The following PRR5L variants were observed in gnomAD, a reference collection of about 807,000 sequenced individuals.
PRR5L encodes proline rich 5 like, also known as proline-rich protein 5-like.
Under a neutral mutation model 36.4 loss-of-function variants are expected in PRR5L, and 21 were observed. The ratio of observed to expected loss-of-function variants is 0.58; its 90% confidence interval spans 0.41 to 0.83. The LOEUF (loss-of-function observed/expected upper bound fraction) is 0.83. Ranked by LOEUF, PRR5L falls within the 40% of genes least tolerant of loss-of-function variation. The probability of loss-of-function intolerance (pLI) is 0.00; values close to 1 mark genes in which losing one functional copy is unlikely to be tolerated. For synonymous variants in PRR5L, 188 were observed against 197.0 expected (o/e 0.95, Z 0.38); for missense variants, 381 against 473.3 (o/e 0.80, Z 1.81).
intron 4 of PRR5L, among the ~76,000 whole-genome samples, chr11:36,428,439 T>C (rs966254041): frequency 2.6e-5 from 4 of 152,108 alleles, no homozygotes; most frequent in Non-Finnish European, 5.9e-5. Flanking sequence ...AGAGAGGAGA[T>C]TTGGGGTTCA....
At chr11:36,311,898 A>G (rs752198057) in intron 1 of PRR5L, among the ~76,000 whole-genome samples, 2 of 152,248 alleles carry the variant, frequency 1.3e-5, no homozygotes, top group Non-Finnish European at 2.9e-5. Context: ...AAGATTAAAT[A>G]TTAATACATT....
intron 1 of PRR5L, among the ~76,000 whole-genome samples, chr11:36,309,106 A>C (rs1053520695): frequency 6.6e-6 from 1 of 152,182 alleles, no homozygotes; most frequent in African/African-American, 2.4e-5. Flanking sequence ...AGCTGTGAGA[A>C]TATGTCTCAT....
Position 36,403,394 on chromosome 11 carries a change from G to T in PRR5L, c.245+16G>T. 6.2e-7 allele frequency: 1 copy of T among 1,609,764 alleles called. No homozygotes were observed. The highest frequency in any genetic ancestry group is 1.1e-5 in the South Asian group (1 of 90,926). The stretch of plus-strand genomic sequence containing the variant: ...AAAACATCAGGTATGTGGCAGGCCA[G>T]ACTTGGTGCCATTTTCCCCTATAAA... On this transcript the variant is annotated intron_variant, in intron 3 of 8. Transcript: ENST00000530639.
chr11:36,308,729 T>A (rs1294181549), intron 1 of PRR5L, among the ~76,000 whole-genome samples: 3 of 152,236 alleles, frequency 2.0e-5, no homozygotes, highest in Non-Finnish European at 4.4e-5. Context: ...GACTCTGGGC[T>A]TGGGCATTGA....
intron 1 of PRR5L, among the ~76,000 whole-genome samples, chr11:36,352,595 T>A (rs1355610829): frequency 6.6e-6 from 1 of 152,186 alleles, no homozygotes; most frequent in Non-Finnish European, 1.5e-5. Context: ...TGTCGGTACC[T>A]GGCTTCAGGA....
rs1857136892 is a variant in PRR5L at position 36,365,638 on chromosome 11, A to G, written c.-125-35359A>G. ...AGCAACACCAGCAACATTTCATGGTATTATCCCTTCCCCTTCTTGGGGAAC... is the reference window on the plus strand; with the variant it reads ...AGCAACACCAGCAACATTTCATGGTGTTATCCCTTCCCCTTCTTGGGGAAC... On this transcript the variant is annotated intron_variant, in intron 1 of 8. Coordinates refer to ENST00000530639, the MANE Select transcript of PRR5L (RefSeq NM_001160167.2). Among the ~76,000 whole-genome samples the G allele has an allele frequency of 6.6e-5, 10 of 152,190 alleles. No individual in the cohort carries two copies. The South Asian group carries it at 2.1e-3, about 32-fold the overall frequency.
intron 3 of PRR5L, among the ~76,000 whole-genome samples, chr11:36,408,112 A>C (rs753385795): frequency 5.3e-5 from 8 of 152,116 alleles, no homozygotes; most frequent in Non-Finnish European, 1.0e-4. Context: ...TGACTCTACT[A>C]AAAATACAAA....
At chr11:36,393,299 A>G (rs1446263849) in intron 1 of PRR5L, among the ~76,000 whole-genome samples, 3 of 152,108 alleles carry the variant, frequency 2.0e-5, no homozygotes, top group Non-Finnish European at 4.4e-5. Context: ...TTCTTTTAGT[A>G]GTTTCATAGT....
At position 36,304,775 on chromosome 11, in the gene PRR5L, G is replaced by A. The variant is rs187748512; in HGVS notation, c.-126+8337G>A. 1.9e-3 allele frequency among the ~76,000 whole-genome samples: 296 copies of A among 152,244 alleles called. 2 individuals are homozygous for A. The highest frequency in any genetic ancestry group is 6.8e-3 in the African/African-American group (283 of 41,538). ...TCCTCATCTGTACATTGAAAGTCAT[G>A]GTAATAATCTCCCTCTAGCCATCAG... On this transcript the variant is annotated intron_variant, in intron 1 of 8. Coordinates refer to ENST00000530639, the MANE Select transcript of PRR5L (RefSeq NM_001160167.2).
intron 1 of PRR5L, among the ~76,000 whole-genome samples, chr11:36,380,978 C>T (rs749029340): frequency 6.6e-6 from 1 of 152,180 alleles, no homozygotes; most frequent in East Asian, 1.9e-4. Flanking sequence ...CATCTACCCC[C>T]TCCAAACAAC....
At chr11:36,298,590 T>C (rs1339867575) in intron 1 of PRR5L, among the ~76,000 whole-genome samples, 1 of 152,134 alleles carries the variant, frequency 6.6e-6, no homozygotes, top group Non-Finnish European at 1.5e-5. Context: ...CAGGTGGTAA[T>C]GTGAATGATT....
At position 36,442,688 on chromosome 11, in the gene PRR5L, C is replaced by T. The variant is rs543691935; in HGVS notation, c.445-3612C>T. ...TCTAAGTCATCACTCTTAAGTTCAA[C>T]CTCCCACAAATCCCCCGGGCATGGA... is the stretch of plus-strand genomic sequence containing the variant. On this transcript the variant is annotated intron_variant, in intron 6 of 8. Transcript: ENST00000530639. 2.0e-5 allele frequency among the ~76,000 whole-genome samples: 3 copies of T among 152,236 alleles called. No homozygotes were observed. In the South Asian group the frequency reaches 6.2e-4, roughly 32 times the overall value.
intron 1 of PRR5L, among the ~76,000 whole-genome samples, chr11:36,391,548 C>G (rs2133543711): frequency 7.3e-6 from 1 of 137,210 alleles, no homozygotes; most frequent in Admixed American, 7.4e-5. Context: ...GAAGTTAACC[C>G]TTTCAGCACC....
At chr11:36,332,677 C>T (rs1417879817) in intron 1 of PRR5L, among the ~76,000 whole-genome samples, 1 of 152,116 alleles carries the variant, frequency 6.6e-6, no homozygotes, top group Admixed American at 6.5e-5. Context: ...GGCTTTGTGA[C>T]CTTCCCTTGG....
At chr11:36,307,266 C>T (rs1249796387) in intron 1 of PRR5L, among the ~76,000 whole-genome samples, 2 of 152,170 alleles carry the variant, frequency 1.3e-5, no homozygotes, top group Non-Finnish European at 2.9e-5. Context: ...CCTCACAATT[C>T]CATGACAGAG....
At chr11:36,362,827 T>A (rs1233663310) in intron 1 of PRR5L, among the ~76,000 whole-genome samples, 2 of 151,806 alleles carry the variant, frequency 1.3e-5, no homozygotes, top group Non-Finnish European at 2.9e-5. Context: ...AACTGATCAC[T>A]GTAACAAGAG....
In PRR5L at chr11:36,431,916, T is replaced by A. The variant is rs748966762; in HGVS notation, c.352+6T>A. 118 of 1,613,122 alleles carry A rather than the reference T, an allele frequency of 7.3e-5. No homozygotes were observed. The highest frequency in any genetic ancestry group is 9.2e-5 in the Non-Finnish European group (109 of 1,179,224). On this transcript the variant is annotated splice_donor_region_variant and intron_variant, in intron 5 of 8. Coordinates refer to ENST00000530639, the MANE Select transcript of PRR5L (RefSeq NM_001160167.2). ...GAAGATCAAGCTGTGTGAAGGCAAG[T>A]ACAAGACAGCCCTGGTAGACTGGGG...
In PRR5L at chr11:36,405,159, C is replaced by G. The variant is rs534440038; in HGVS notation, c.245+1781C>G. Among the ~76,000 whole-genome samples, 21 of 152,262 alleles carry G rather than the reference C, an allele frequency of 1.4e-4. No homozygotes were observed. The East Asian group carries it at 4.1e-3, about 29-fold the overall frequency. Reference sequence around the variant, plus strand: ...GCCCAGGTAGCCCAGGAGCTGCTAACTCAAAAGACTTCAGGTACCAAGCAG... The same window carrying G: ...GCCCAGGTAGCCCAGGAGCTGCTAAGTCAAAAGACTTCAGGTACCAAGCAG... On this transcript the variant is annotated intron_variant, in intron 3 of 8. Transcript: ENST00000530639.
chr11:36,354,478 A>T (rs72950059), intron 1 of PRR5L, among the ~76,000 whole-genome samples: 1 of 152,224 alleles, frequency 6.6e-6, no homozygotes, highest in African/African-American at 2.4e-5. Flanking sequence ...GAGGTATCAT[A>T]AAGTTTACTA....
Sources: gnomAD v4.1 joint callset for allele counts (sites outside exome capture counted in the v4.1 genomes callset) on GRCh38, gnomAD v4.1.1 for gene constraint, MANE v1.5 for transcripts, NCBI Gene and HGNC (gene_info 2026-07-23, HGNC 2026-07-21) for gene names.